CWF19L2: variants seen among roughly 807,000 people sequenced by gnomAD.
The protein encoded by CWF19L2 is CWF19-like protein 2.
CWF19L2 carries 98 observed loss-of-function variants against 111.7 expected under a neutral mutation model. The observed-to-expected ratio is 0.88, with a 90% CI of 0.75 to 1.04. CWF19L2 has a LOEUF of 1.04. Among genes scored for constraint, CWF19L2 ranks in the 50% least tolerant of loss-of-function variants. The pLI, the probability that CWF19L2 is intolerant of heterozygous loss-of-function variation, is 0.00. For missense variants in CWF19L2, 1,101 were observed against 1,051.4 expected, an observed-to-expected ratio of 1.05 and a Z score of -0.65; for synonymous variants, 351 against 342.9, an observed-to-expected ratio of 1.02 and a Z score of -0.26.
In CWF19L2 at chr11:107,429,310, C is replaced by T. The variant is rs546669599; in HGVS notation, c.922G>A (p.Val308Ile). The change falls in exon 8 of 18, where the codon GTA becomes ATA. Residue 308 changes from valine to isoleucine, a missense_variant. Val to Ile is a conservative substitution (Grantham distance 29). Transcript: ENST00000282251. ...TCCCTTGAACTGTTACCATATTTTA[C>T]TAAGTCTGATTCTCTACTTTCTTGA... Reference protein sequence around the residue: ...NCQESRESDLVKYGNSSRDRY... With the variant: ...NCQESRESDLIKYGNSSRDRY... The T allele has an allele frequency of 3.1e-6, 5 of 1,612,090 alleles. No individual in the cohort carries two copies. Among genetic ancestry groups the T allele is most frequent in the Middle Eastern group, 1.7e-4 (1 of 6,052 alleles).
At chr11:107,413,637 T>C (rs1434601024) in intron 10 of CWF19L2, among the ~76,000 whole-genome samples, 1 of 152,224 alleles carries the variant, frequency 6.6e-6, no homozygotes, top group Non-Finnish European at 1.5e-5. Flanking sequence ...GTACACCTAG[T>C]TCTAGCTATC....
At chr11:107,445,589 A>G (rs1221581999) in intron 3 of CWF19L2, among the ~76,000 whole-genome samples, 1 of 135,630 alleles carries the variant, frequency 7.4e-6, no homozygotes, top group African/African-American at 2.7e-5. Flanking sequence ...GGGGGACAAG[A>G]GCAAAACTCC....
At chr11:107,416,909 A>C (rs1861234332) in intron 9 of CWF19L2, among the ~76,000 whole-genome samples, 1 of 152,182 alleles carries the variant, frequency 6.6e-6, no homozygotes. Flanking sequence ...CACTATTTTA[A>C]CTAATTCCTC....
At chr11:107,411,392 C>A (rs1430073974) in intron 10 of CWF19L2, among the ~76,000 whole-genome samples, 1 of 152,050 alleles carries the variant, frequency 6.6e-6, no homozygotes, top group African/African-American at 2.4e-5. Context: ...TTCACTTTAA[C>A]ACAGGAAACA....
At chr11:107,353,304 T>C (rs574850206) in intron 13 of CWF19L2, among the ~76,000 whole-genome samples, 116 of 152,302 alleles carry the variant, frequency 7.6e-4, no homozygotes, top group African/African-American at 2.7e-3. Flanking sequence ...TAAGTATTTA[T>C]TGAAATGAAT....
At chr11:107,353,840 A>G in intron 12 of CWF19L2, 104 bp from the exon 13 acceptor site, 1 of 776,398 alleles carries the variant, frequency 1.3e-6, no homozygotes, top group Non-Finnish European at 2.1e-6. Flanking sequence ...TGATAAAACT[A>G]ATACATTTAA....
At position 107,349,003 on chromosome 11, in the gene CWF19L2, C is replaced by G; in HGVS notation, c.2136G>C (p.Leu712=). 1 of 1,611,078 alleles carries G rather than the reference C, an allele frequency of 6.2e-7. No individual in the cohort carries two copies. The highest frequency in any genetic ancestry group is 8.5e-7 in the Non-Finnish European group (1 of 1,178,046). Residue 712 remains leucine, a synonymous_variant, in exon 14 of 18, where the codon CTG becomes CTC. Coordinates refer to ENST00000282251, the MANE Select transcript of CWF19L2 (RefSeq NM_152434.3). ...NVRSLTEGHC[L]IVPLQHHRAA... The stretch of plus-strand genomic sequence containing the variant: ...CTCTATGGTGCTGCAAAGGGACTAT[C>G]AGGCAGTGCCCCTCAGTAAGAGACC...
intron 10 of CWF19L2, chr11:107,403,981 G>A (rs983589031): frequency 4.8e-5 from 41 of 858,894 alleles, no homozygotes; most frequent in Middle Eastern, 6.8e-4. Flanking sequence ...CTGACCGAAC[G>A]TCTGGCACCA....
intron 12 of CWF19L2, among the ~76,000 whole-genome samples, chr11:107,355,917 C>A (rs74346769): frequency 6.6e-6 from 1 of 152,024 alleles, no homozygotes; most frequent in Non-Finnish European, 1.5e-5. Flanking sequence ...CACCCAACAG[C>A]GCAAAATATA....
chr11:107,351,486 C>T (rs1860155649), intron 13 of CWF19L2, among the ~76,000 whole-genome samples: 1 of 151,896 alleles, frequency 6.6e-6, no homozygotes, highest in African/African-American at 2.4e-5. Context: ...ATACATGAAC[C>T]TAGAATTCTA....
rs549665723 is a variant in CWF19L2 at position 107,362,343 on chromosome 11, G to A, written c.1873-8607C>T. On this transcript the variant is annotated intron_variant, in intron 12 of 17. Transcript: ENST00000282251. ...CACCACAGCTCAAGGAGGACTGCCTGCCTCTGTAGGCTTCACCTCTGGGGG... is the reference window on the plus strand; with the variant it reads ...CACCACAGCTCAAGGAGGACTGCCTACCTCTGTAGGCTTCACCTCTGGGGG... Among the ~76,000 whole-genome samples, 13 of 152,024 alleles carry A rather than the reference G, an allele frequency of 8.6e-5. No individual in the cohort carries two copies. In the South Asian group the frequency reaches 2.7e-3, roughly 32 times the overall value.
chr11:107,403,328 A>AT (rs1861033174), intron 10 of CWF19L2: 1 of 519,460 alleles, frequency 1.9e-6, no homozygotes, highest in Non-Finnish European at 3.4e-6. Context: ...CCTAACAGGT[A>AT]TTTTTTTAAA....
At chr11:107,341,009 G>C (rs1238285100) in intron 14 of CWF19L2, among the ~76,000 whole-genome samples, 1 of 152,160 alleles carries the variant, frequency 6.6e-6, no homozygotes, top group Non-Finnish European at 1.5e-5. Flanking sequence ...ACAGACAACT[G>C]CAGAGTGGTG....
At chr11:107,362,261 T>C (rs929313348) in intron 12 of CWF19L2, among the ~76,000 whole-genome samples, 10 of 152,058 alleles carry the variant, frequency 6.6e-5, no homozygotes, top group Non-Finnish European at 1.3e-4. Context: ...GCGCCCGCCA[T>C]TGCCCAGGCT....
At chr11:107,402,873 G>GTGTGTGTATATATATATA (rs1247886311) in intron 10 of CWF19L2, among the ~76,000 whole-genome samples, 65 of 94,428 alleles carry the variant, frequency 6.9e-4, no homozygotes, top group African/African-American at 3.0e-3. Context: ...ACTGTGGTGT[G>GTGTGTGTATATATATATA]TATATATATA....
intron 10 of CWF19L2, among the ~76,000 whole-genome samples, chr11:107,402,150 A>C (rs546154675): frequency 5.7e-4 from 87 of 152,202 alleles, no homozygotes; most frequent in African/African-American, 1.9e-3. Flanking sequence ...CACTGGAAAA[A>C]CCCTTCTAGA....
intron 12 of CWF19L2, among the ~76,000 whole-genome samples, chr11:107,359,357 A>G (rs1252411758): frequency 1.3e-5 from 2 of 152,212 alleles, no homozygotes; most frequent in African/African-American, 4.8e-5. Context: ...TGGACAGAAC[A>G]GTGAACTGTC....
chr11:107,434,759 AG>A (rs771558740), intron 6 of CWF19L2, among the ~76,000 whole-genome samples: 8 of 152,010 alleles, frequency 5.3e-5, no homozygotes, highest in Non-Finnish European at 1.0e-4. Flanking sequence ...CTGGAAACAA[AG>A]GAGGATAAAC....
intron 6 of CWF19L2, among the ~76,000 whole-genome samples, chr11:107,438,223 T>C (rs759580684): frequency 5.3e-5 from 8 of 152,220 alleles, no homozygotes; most frequent in South Asian, 2.1e-4. Context: ...TTTGTAATAC[T>C]ACCATCTGTA....
Sources: allele counts gnomAD v4.1 joint callset (sites outside exome capture counted in the v4.1 genomes callset), GRCh38; gene constraint gnomAD v4.1.1; transcripts MANE v1.5; gene names NCBI Gene and HGNC (gene_info 2026-07-23, HGNC 2026-07-21).